Variants in LURAP1 observed in about 807,000 individuals in gnomAD.
LURAP1 encodes NF-kappa-B activator C1orf190.
In LURAP1, 14 loss-of-function variants were observed where a neutral mutation model predicts 19.0. That is an observed-to-expected ratio of 0.74 (90% CI 0.49 to 1.15). The LOEUF is 1.15. LURAP1 is among the 50% of genes most tolerant of loss of function. LURAP1 has a pLI of 0.00. For missense variants in LURAP1, 273 were observed against 309.1 expected (o/e 0.88, Z 0.87); for synonymous variants, 129 against 131.8 (o/e 0.98, Z 0.14).
At chr1:46,206,823 A>G (rs1242797682) in intron 1 of LURAP1, among the ~76,000 whole-genome samples, 1 of 152,246 alleles carries the variant, frequency 6.6e-6, no homozygotes, top group African/African-American at 2.4e-5. Flanking sequence ...CACTGGGCCA[A>G]GCACCAGAAA....
chr1:46,210,510 C>G (rs1658859165), intron 1 of LURAP1, among the ~76,000 whole-genome samples: 1 of 152,188 alleles, frequency 6.6e-6, no homozygotes, highest in Non-Finnish European at 1.5e-5. Flanking sequence ...AGTCGTAAAT[C>G]TGGGCCTCCT....
intron 1 of LURAP1, 54 bp from the exon 2 acceptor site, chr1:46,219,645 C>T: frequency 6.6e-7 from 1 of 1,511,038 alleles, no homozygotes. Flanking sequence ...TGTGGAAACG[C>T]TGGGGAAACC....
At chr1:46,212,777 T>C (rs896237922) in intron 1 of LURAP1, among the ~76,000 whole-genome samples, 1 of 151,910 alleles carries the variant, frequency 6.6e-6, no homozygotes, top group Non-Finnish European at 1.5e-5. Context: ...TTTATTTTTT[T>C]GAGACAGAGT....
At chr1:46,217,013 A>G (rs1483952780) in intron 1 of LURAP1, among the ~76,000 whole-genome samples, 3 of 152,238 alleles carry the variant, frequency 2.0e-5, no homozygotes, top group Non-Finnish European at 4.4e-5. Context: ...AAAACATGCA[A>G]AGCTTCAATA....
chr1:46,207,547 T>TC (rs1423569256), intron 1 of LURAP1, among the ~76,000 whole-genome samples: 31 of 151,678 alleles, frequency 2.0e-4, no homozygotes, highest in Non-Finnish European at 3.7e-4. Context: ...TTTCTTTCTT[T>TC]TTTTTTTTTG....
At chr1:46,214,608 C>T (rs1003877532) in intron 1 of LURAP1, among the ~76,000 whole-genome samples, 3 of 152,138 alleles carry the variant, frequency 2.0e-5, no homozygotes, top group Non-Finnish European at 4.4e-5. Flanking sequence ...TGGCTCATGC[C>T]TGTAATCCCA....
At chr1:46,203,949 C>G (rs1658631250) in intron 1 of LURAP1, among the ~76,000 whole-genome samples, 1 of 152,048 alleles carries the variant, frequency 6.6e-6, no homozygotes, top group Non-Finnish European at 1.5e-5. Flanking sequence ...CACAAATTCC[C>G]CCCGCCTGTA....
intron 1 of LURAP1, among the ~76,000 whole-genome samples, chr1:46,207,578 G>T (rs192177567): frequency 7.4e-5 from 11 of 147,730 alleles, no homozygotes; most frequent in African/African-American, 1.3e-4. Context: ...TCGCTCTGTC[G>T]CCCAGGCTGG....
chr1:46,207,934 C>T (rs1658770896), intron 1 of LURAP1, among the ~76,000 whole-genome samples: 1 of 151,920 alleles, frequency 6.6e-6, no homozygotes, highest in Non-Finnish European at 1.5e-5. Flanking sequence ...ATGGCGTGAT[C>T]TCGGCTCACT....
chr1:46,216,456 C>T (rs1435382101), intron 1 of LURAP1, among the ~76,000 whole-genome samples: 1 of 152,182 alleles, frequency 6.6e-6, no homozygotes, highest in African/African-American at 2.4e-5. Flanking sequence ...ATCCTCTCAC[C>T]TCAGCCTCCC....
At chr1:46,214,394 G>T (rs186755564) in intron 1 of LURAP1, among the ~76,000 whole-genome samples, 15 of 151,152 alleles carry the variant, frequency 9.9e-5, no homozygotes, top group Non-Finnish European at 1.3e-4. Context: ...ATGAAATGGA[G>T]ATAATACAGA....
At chr1:46,212,374 G>A (rs529500559) in intron 1 of LURAP1, among the ~76,000 whole-genome samples, 2 of 150,866 alleles carry the variant, frequency 1.3e-5, no homozygotes, top group Admixed American at 6.6e-5. Context: ...TCCGCCTCCC[G>A]GGTTCATGCC....
At position 46,220,802 on chromosome 1, in the gene LURAP1, C is replaced by T. The variant is rs576353303; in HGVS notation, c.*582C>T. 6.6e-6 allele frequency: 1 copy of T among 152,200 alleles called. No individual in the cohort carries two copies. The highest frequency in any genetic ancestry group is 2.1e-4 in the South Asian group (1 of 4,824). 9.4% of individuals were successfully genotyped at this position (152,200 alleles called of 1,614,324 possible). ...TTGGTATTTAGTATCTCTCACTACT[C>T]CCCCCAGCTAAGTAAGGATTTAAGG... is the stretch of plus-strand genomic sequence containing the variant. On this transcript the variant is annotated 3_prime_UTR_variant, in exon 2 of 2. Transcript: ENST00000371980.
rs1405767646 is a variant in LURAP1 at position 46,221,169 on chromosome 1, T to A, written c.*949T>A. 1 of 152,262 alleles carries A rather than the reference T, an allele frequency of 6.6e-6. No individual in the cohort carries two copies. Among genetic ancestry groups the A allele is most frequent in the East Asian group, 1.9e-4 (1 of 5,204 alleles). 9.4% of individuals were successfully genotyped at this position (152,262 alleles called of 1,614,324 possible). A position where few individuals can be genotyped will look rare whatever the true frequency, so the allele number is the denominator to read the frequency against. Reference sequence around the variant, plus strand: ...ATTACTTCTTGTGAACAGTAACATGTCACTCCTCCTGGCAGGAAAGTTTCT... The same window carrying A: ...ATTACTTCTTGTGAACAGTAACATGACACTCCTCCTGGCAGGAAAGTTTCT... On this transcript the variant is annotated 3_prime_UTR_variant, in exon 2 of 2. Transcript: ENST00000371980.
At chr1:46,208,281 A>G (rs901011633) in intron 1 of LURAP1, among the ~76,000 whole-genome samples, 3 of 152,120 alleles carry the variant, frequency 2.0e-5, no homozygotes, top group Admixed American at 1.3e-4. Flanking sequence ...GCTGAGCCAC[A>G]ATGCCAAGCC....
At chr1:46,207,738 C>T (rs975407177) in intron 1 of LURAP1, among the ~76,000 whole-genome samples, 1 of 151,802 alleles carries the variant, frequency 6.6e-6, no homozygotes, top group Admixed American at 6.6e-5. Flanking sequence ...CGGGGTTTCA[C>T]CATGTTAGCC....
chr1:46,216,666 G>T (rs569157699), intron 1 of LURAP1, among the ~76,000 whole-genome samples: 4 of 152,038 alleles, frequency 2.6e-5, no homozygotes, highest in South Asian at 2.1e-4. Context: ...GATTCGGAGG[G>T]GGGTACCTGC....
intron 1 of LURAP1, 150 bp from the exon 2 acceptor site, chr1:46,219,549 C>A: frequency 1.3e-6 from 1 of 761,294 alleles, no homozygotes; most frequent in Non-Finnish European, 2.0e-6. Context: ...AGCAGTCTGT[C>A]TGCTTCTGAA....
intron 1 of LURAP1, among the ~76,000 whole-genome samples, chr1:46,217,115 G>T (rs1571691826): frequency 6.6e-6 from 1 of 152,294 alleles, no homozygotes; most frequent in East Asian, 1.9e-4. Flanking sequence ...AGAAGATATG[G>T]AATCTAAGAA....
Sources: allele counts gnomAD v4.1 joint callset (sites outside exome capture counted in the v4.1 genomes callset), GRCh38; gene constraint gnomAD v4.1.1; transcripts MANE v1.5; gene names NCBI Gene and HGNC (gene_info 2026-07-23, HGNC 2026-07-21).